The following PIGN variants were observed in gnomAD, a reference collection of about 807,000 sequenced individuals.
PIGN encodes the protein GPI ethanolamine phosphate transferase 1.
Under a neutral mutation model 125.4 loss-of-function variants are expected in PIGN, and 117 were observed. That is an observed-to-expected ratio of 0.93 (90% confidence interval 0.80 to 1.09). PIGN has a LOEUF of 1.09. Among genes scored for constraint, PIGN ranks in the 50% least tolerant of loss-of-function variants. PIGN has a pLI of 0.00. For missense variants in PIGN, 1,075 were observed against 1,094.9 expected (o/e 0.98, Z 0.26); for synonymous variants, 392 against 377.8 (o/e 1.04, Z -0.44).
In PIGN at chr18:62,157,203, A is replaced by G; in HGVS notation, c.368T>C (p.Phe123Ser). Residue 123 changes from phenylalanine (F) to serine (S), a missense_variant, in exon 6 of 31, where the codon TTT (phenylalanine) becomes TCT (serine). This residue lies in a region of PIGN where 152 missense variants were observed against 162.9 expected (regional missense o/e 0.93). Coordinates refer to ENST00000640252, the MANE Select transcript of PIGN (RefSeq NM_176787.5). ...TTTACTTTCATTAAAAAGAGAATCA[A>G]ACTCTACAGGATTTTCCTTCCATCC... ...AKGWKENPVE[F>S]DSLFNESKYT... 1 of 1,606,478 alleles carries G rather than the reference A, an allele frequency of 6.2e-7. No homozygotes were observed. The highest frequency in any genetic ancestry group is 8.5e-7 in the Non-Finnish European group (1 of 1,174,888).
In PIGN at chr18:62,173,546, T is replaced by C. The variant is rs371382504; in HGVS notation, c.-235-9890A>G. Among the ~76,000 whole-genome samples the C allele has an allele frequency of 2.5e-4, 38 of 152,308 alleles. 4 individuals are homozygous for C. The highest frequency in any genetic ancestry group is 2.5e-3 in the South Asian group (12 of 4,828). ...ATTGCACCCAGCCTTGGTGTCTATTTTGGATGCACTTGGAGATCATGTCCT... is the reference window on the plus strand; with the variant it reads ...ATTGCACCCAGCCTTGGTGTCTATTCTGGATGCACTTGGAGATCATGTCCT... On this transcript the variant is annotated intron_variant, in intron 1 of 30. Coordinates refer to ENST00000640252, the MANE Select transcript of PIGN (RefSeq NM_176787.5).
At chr18:62,133,108 T>C (rs4941111) in intron 14 of PIGN, among the ~76,000 whole-genome samples, 13,244 of 152,288 alleles carry the variant, frequency 0.087, 707 homozygotes, top group South Asian at 0.19. Flanking sequence ...TACTTTATTA[T>C]ACAGTCGGCT....
In PIGN at chr18:62,143,304, AC is replaced by A; in HGVS notation, c.963+1del. On this transcript the variant is annotated splice_donor_variant, in intron 11 of 30. Transcript: ENST00000640252. LOFTEE classifies it high-confidence loss of function. The stretch of plus-strand genomic sequence containing the variant: ...TGAATGTAATAAAATCGAACTGGAT[AC>A]CTGATTGACATCTAGCCTCTTCCAA... 1 of 1,485,792 alleles carries A rather than the reference AC, an allele frequency of 6.7e-7. No individual in the cohort carries two copies. The allele number at this position is 1,485,792 out of a possible 1,614,324, so 92.0% of individuals were successfully genotyped here.
In PIGN at chr18:62,124,611, G is replaced by A. The variant is rs560874226; in HGVS notation, c.1173-9972C>T. Among the ~76,000 whole-genome samples the A allele has an allele frequency of 2.6e-5, 4 of 152,246 alleles. No individual in the cohort carries two copies. In the South Asian group the frequency reaches 8.3e-4, roughly 32 times the overall value. ...TAAAATCCACTACTTTGAGGACAAA[G>A]TAAAAATGCTAAACCTGCCTATGAG... is the stretch of plus-strand genomic sequence containing the variant. On this transcript the variant is annotated intron_variant, in intron 14 of 30. Coordinates refer to ENST00000640252, the MANE Select transcript of PIGN (RefSeq NM_176787.5).
At chr18:62,030,047 T>G (rs1384917173) in intron 23 of PIGN, among the ~76,000 whole-genome samples, 1 of 152,074 alleles carries the variant, frequency 6.6e-6, no homozygotes, top group East Asian at 1.9e-4. Context: ...CAGACTCCAG[T>G]GAGTTTGGTC....
At chr18:62,070,503 T>C (rs1403918996) in intron 30 of PIGN, 5 of 398,060 alleles carry the variant, frequency 1.3e-5, no homozygotes, top group Non-Finnish European at 2.2e-5. Context: ...ATGCCAGGAG[T>C]TGCCTAAGAG....
rs1237698343 is a variant in PIGN at position 62,049,860 on chromosome 18, T to G, written c.2673-3881A>C. ...CTAACATTTAAGTCTTTAATCCATC[T>G]TGAATTGATTTTTGTATAAGGTGTA... On this transcript the variant is annotated intron_variant, in intron 30 of 30. Coordinates refer to ENST00000640252, the MANE Select transcript of PIGN (RefSeq NM_176787.5). Among the ~76,000 whole-genome samples the G allele has an allele frequency of 7.3e-5, 11 of 149,984 alleles. No homozygotes were observed. In the East Asian group the frequency reaches 2.2e-3, roughly 29 times the overall value.
chr18:62,141,098 T>C (rs934533937), intron 11 of PIGN, among the ~76,000 whole-genome samples: 3 of 152,322 alleles, frequency 2.0e-5, no homozygotes, highest in Admixed American at 1.3e-4. Context: ...GACTGCTCTC[T>C]CTAAGAGAGC....
At chr18:62,026,148 G>A (rs549692227) in intron 23 of PIGN, among the ~76,000 whole-genome samples, 62 of 152,176 alleles carry the variant, frequency 4.1e-4, no homozygotes, top group East Asian at 1.3e-3. Flanking sequence ...AGTATGAGTG[G>A]CACCCATAAG....
In PIGN at chr18:62,041,531, C is replaced by G. The variant is rs956279913; in HGVS notation, c.*4325G>C. On this transcript the variant is annotated 3_prime_UTR_variant, in exon 31 of 31. Coordinates refer to ENST00000640252, the MANE Select transcript of PIGN (RefSeq NM_176787.5). Reference sequence around the variant, plus strand: ...TGAGGCAGAGTCTCACTTTGTCGCCCAGAGTGGCACCATCTCGGCTCATTG... The same window carrying G: ...TGAGGCAGAGTCTCACTTTGTCGCCGAGAGTGGCACCATCTCGGCTCATTG... 1.3e-5 allele frequency: 2 copies of G among 152,058 alleles called. No homozygotes were observed. The highest frequency in any genetic ancestry group is 4.8e-5 in the African/African-American group (2 of 41,394). 9.4% of individuals were successfully genotyped at this position (152,058 alleles called of 1,614,324 possible).
intron 4 of PIGN, among the ~76,000 whole-genome samples, chr18:62,160,151 T>C (rs546876504): frequency 3.3e-5 from 5 of 152,032 alleles, no homozygotes; most frequent in South Asian, 2.1e-4. Context: ...AGTAAAATGA[T>C]AGGAGGTAAT....
At chr18:62,080,032 A>G (rs2033371944) in intron 28 of PIGN, among the ~76,000 whole-genome samples, 1 of 152,200 alleles carries the variant, frequency 6.6e-6, no homozygotes, top group Non-Finnish European at 1.5e-5. Context: ...ACAAAATGGT[A>G]TATTCAAAAT....
intron 20 of PIGN, among the ~76,000 whole-genome samples, chr18:62,104,642 T>G (rs910789814): frequency 6.6e-6 from 1 of 152,164 alleles, no homozygotes. Flanking sequence ...GGTATTCTCA[T>G]ACAAATAGGA....
At chr18:62,018,825 C>A (rs1332963435) in intron 23 of PIGN, among the ~76,000 whole-genome samples, 3 of 152,026 alleles carry the variant, frequency 2.0e-5, no homozygotes, top group Admixed American at 6.6e-5. Context: ...AGGAGCTAAC[C>A]TCACTTCCTC....
At position 62,155,365 on chromosome 18, in the gene PIGN, G is replaced by A. The variant is rs62096070; in HGVS notation, c.443-714C>T. ...GTGGATCACCGGAGGTCGGGAGATC[G>A]AGACCCCCCTGGCCAACATGATGAA... On this transcript the variant is annotated intron_variant, in intron 6 of 30. Transcript: ENST00000640252. 2.6e-5 allele frequency among the ~76,000 whole-genome samples: 4 copies of A among 152,048 alleles called. No homozygotes were observed. The South Asian group carries it at 6.2e-4, about 24-fold the overall frequency.
intron 1 of PIGN, among the ~76,000 whole-genome samples, chr18:62,181,046 C>T (rs902326344): frequency 1.3e-5 from 2 of 152,092 alleles, no homozygotes; most frequent in African/African-American, 4.8e-5. Context: ...GTGAGGTAGA[C>T]ATCAGCTTAT....
chr18:62,167,292 G>A (rs1328956158), intron 1 of PIGN, among the ~76,000 whole-genome samples: 52 of 4,902 alleles, frequency 0.011, 1 homozygote, highest in African/African-American at 0.025. Context: ...ATATATGTGT[G>A]TGTGTGTGTG....
chr18:62,037,020 A>G (rs899287192), downstream of PIGN, among the ~76,000 whole-genome samples: 2 of 152,198 alleles, frequency 1.3e-5, no homozygotes, highest in Admixed American at 6.5e-5. Context: ...AGGAGAGGAT[A>G]TTGAATTATC....
At chr18:62,139,148 T>A in intron 12 of PIGN, 73 bp from the exon 13 acceptor site, 1 of 825,502 alleles carries the variant, frequency 1.2e-6, no homozygotes, top group Non-Finnish European at 2.0e-6. Context: ...CAAAACAGAC[T>A]TAAAAGCAAT....
Sources: allele counts gnomAD v4.1 joint callset (sites outside exome capture counted in the v4.1 genomes callset), GRCh38; gene constraint gnomAD v4.1.1; regional missense constraint gnomAD v4.1.1; transcripts MANE v1.5; gene names NCBI Gene and HGNC (gene_info 2026-07-23, HGNC 2026-07-21).